The following TNNT3 variants were observed in gnomAD, a reference collection of about 807,000 sequenced individuals.
TNNT3 encodes troponin T, fast skeletal muscle.
TNNT3 carries 36 observed loss-of-function variants against 54.2 expected under a neutral mutation model. That is an observed-to-expected ratio of 0.66 (90% CI 0.51 to 0.88). The LOEUF is 0.88. Ranked by LOEUF, TNNT3 falls within the 40% of genes least tolerant of loss-of-function variation. TNNT3 has a pLI of 0.00. For missense variants in TNNT3, 291 were observed against 331.6 expected (o/e 0.88, Z 0.95); for synonymous variants, 120 against 109.7 (o/e 1.09, Z -0.59).
chr11:1,925,591 C>T (rs749301414), intron 5 of TNNT3, among the ~76,000 whole-genome samples: 7 of 152,116 alleles, frequency 4.6e-5, no homozygotes, highest in Non-Finnish European at 8.8e-5. Context: ...CACGTAGGCC[C>T]ACCCTAGTCC....
At chr11:1,937,037 G>A (rs1855313899) in intron 15 of TNNT3, 34 bp downstream of exon 15, 1 of 1,569,668 alleles carries the variant, frequency 6.4e-7, no homozygotes. Context: ...TCCGCACTGG[G>A]CACAGGGGCC....
In TNNT3 at chr11:1,931,342, G is replaced by C. The variant is rs1156754456; in HGVS notation, c.126-1127G>C. Among the ~76,000 whole-genome samples, 3 of 152,348 alleles carry C rather than the reference G, an allele frequency of 2.0e-5. No individual in the cohort carries two copies. In the East Asian group the frequency reaches 5.8e-4, roughly 29 times the overall value. On this transcript the variant is annotated intron_variant, in intron 8 of 15. Transcript: ENST00000278317. ...AGAGTATGAATGTTCTTAAGGCTTT[G>C]ACATCCACTGCCAAATTGCTTTCCA...
intron 6 of TNNT3, 30 bp from the exon 7 acceptor site, chr11:1,929,090 T>G: frequency 6.2e-7 from 1 of 1,613,172 alleles, no homozygotes; most frequent in Non-Finnish European, 8.5e-7. Flanking sequence ...TTCTCTTGCA[T>G]GTGTGCTTGT....
chr11:1,929,694 G>A (rs112606502), intron 7 of TNNT3, 116 bp from the exon 8 acceptor site: 2 of 1,131,910 alleles, frequency 1.8e-6, no homozygotes, highest in Non-Finnish European at 2.6e-6. Context: ...GAAAAGGACG[G>A]TGGCCTTCAG....
chr11:1,926,668 T>C, intron 5 of TNNT3, 27 bp from the exon 6 acceptor site: 1 of 1,613,450 alleles, frequency 6.2e-7, no homozygotes, highest in Non-Finnish European at 8.5e-7. Flanking sequence ...TCCCGCCCTT[T>C]CTGCCACCAT....
intron 14 of TNNT3, chr11:1,935,374 C>T (rs578137990): frequency 2.8e-4 from 84 of 295,692 alleles, no homozygotes; most frequent in Middle Eastern, 1.3e-3. Flanking sequence ...ACCAGGGCCC[C>T]GGACACCTGC....
rs1184779284 is a variant in TNNT3 at position 1,938,468 on chromosome 11, C to T, written c.753C>T (p.Gly251=). ...AGAAGGCTGGGACCCCAGCCAAGGG[C>T]AAAGTCGGCGGGCGCTGGAAGTAGA... ...HSKKAGTPAK[G]KVGGRWK Residue 251 remains glycine, a synonymous_variant, in exon 16 of 16, where the codon GGC becomes GGT. Transcript: ENST00000278317. 3 of 1,613,416 alleles carry T rather than the reference C, an allele frequency of 1.9e-6. No homozygotes were observed. Among genetic ancestry groups the T allele is most frequent in the Non-Finnish European group, 2.5e-6 (3 of 1,179,942 alleles).
intron 7 of TNNT3, 54 bp downstream of exon 7, chr11:1,929,197 G>T: frequency 6.3e-7 from 1 of 1,597,684 alleles, no homozygotes; most frequent in Non-Finnish European, 8.5e-7. Context: ...TAGCCGACGC[G>T]AGGGAAAGAG....
In TNNT3 at chr11:1,934,903, A is replaced by C. The variant is rs1208169735; in HGVS notation, c.665A>C (p.Lys222Thr). The change falls in exon 14 of 16, where the codon AAA (lysine) becomes ACA (threonine). Residue 222 changes from lysine to threonine, a missense_variant. Transcript: ENST00000278317. ...AAGTTCGAGTTTGGGGAGAAGCTGAAACGCCAGAAATATGACGTGAGTCCC... is the reference window on the plus strand; with the variant it reads ...AAGTTCGAGTTTGGGGAGAAGCTGACACGCCAGAAATATGACGTGAGTCCC... ...IDKFEFGEKL[K>T]RQKYDITTLR... The C allele has an allele frequency of 6.2e-7, 1 of 1,613,562 alleles. No individual in the cohort carries two copies. The highest frequency in any genetic ancestry group is 8.5e-7 in the Non-Finnish European group (1 of 1,180,018).
chr11:1,928,853 G>T (rs1852384903), intron 6 of TNNT3: 1 of 558,002 alleles, frequency 1.8e-6, no homozygotes, highest in Non-Finnish European at 3.3e-6. Flanking sequence ...TGCCCCGCGA[G>T]GTCCCCGTGT....
chr11:1,937,863 C>T (rs1855600218), intron 15 of TNNT3, among the ~76,000 whole-genome samples: 2 of 152,184 alleles, frequency 1.3e-5, no homozygotes, highest in South Asian at 2.1e-4. Flanking sequence ...GTGCATGTGC[C>T]GAGAGTGCCC....
At chr11:1,932,963 C>A (rs1156344205) in intron 9 of TNNT3, among the ~76,000 whole-genome samples, 3 of 148,056 alleles carry the variant, frequency 2.0e-5, no homozygotes, top group Non-Finnish European at 4.5e-5. Flanking sequence ...CATACACTCA[C>A]CTACCTATCC....
intron 14 of TNNT3, chr11:1,936,381 T>A: frequency 1.9e-6 from 2 of 1,055,048 alleles, no homozygotes; most frequent in Non-Finnish European, 2.8e-6. Flanking sequence ...GCCTTCCTCC[T>A]GCCCCCGCTC....
chr11:1,924,780 C>T (rs912477407), intron 4 of TNNT3: 18 of 561,600 alleles, frequency 3.2e-5, no homozygotes, highest in Admixed American at 3.1e-5. Flanking sequence ...TTAACAAGGG[C>T]CCCCGTGCAC....
chr11:1,936,352 T>C, intron 14 of TNNT3: 2 of 1,393,228 alleles, frequency 1.4e-6, no homozygotes, highest in South Asian at 1.2e-5. Flanking sequence ...CTCAGGATGC[T>C]GGCGGCAGGG....
chr11:1,923,417 AC>A, intron 3 of TNNT3, 137 bp from the exon 4 acceptor site: 1 of 942,482 alleles, frequency 1.1e-6, no homozygotes, highest in Non-Finnish European at 1.7e-6. Context: ...GGGCCCGAGG[AC>A]CCCTGATTCC....
intron 6 of TNNT3, chr11:1,927,894 C>G (rs1241622356): frequency 6.6e-6 from 1 of 152,328 alleles, no homozygotes; most frequent in Admixed American, 6.5e-5. Context: ...GGGCCCTTGG[C>G]TGGAACGCTC....
In TNNT3 at chr11:1,929,090, T is replaced by A. The variant is rs1172257364; in HGVS notation, c.83-30T>A. The A allele has an allele frequency of 2.5e-6, 4 of 1,613,054 alleles. No homozygotes were observed. The South Asian group carries it at 4.4e-5, about 18-fold the overall frequency. Reference sequence around the variant, plus strand: ...CAGCCGCACTGGCTTTTCTCTTGCATGTGTGCTTGTGCCTTTTGCCACCTG... The same window carrying A: ...CAGCCGCACTGGCTTTTCTCTTGCAAGTGTGCTTGTGCCTTTTGCCACCTG... On this transcript the variant is annotated intron_variant, in intron 6 of 15. Coordinates refer to ENST00000278317, the MANE Select transcript of TNNT3 (RefSeq NM_006757.4).
At position 1,937,576 on chromosome 11, in the gene TNNT3, G is replaced by A. The variant is rs148856661; in HGVS notation, c.722+573G>A. ...ATGGGGCTGCACCCAGGGTGCCCCCGGCGATGCCACGCTGGGGATCCTGTC... is the reference window on the plus strand; with the variant it reads ...ATGGGGCTGCACCCAGGGTGCCCCCAGCGATGCCACGCTGGGGATCCTGTC... On this transcript the variant is annotated intron_variant, in intron 15 of 15. Coordinates refer to ENST00000278317, the MANE Select transcript of TNNT3 (RefSeq NM_006757.4). 2.0e-3 allele frequency among the ~76,000 whole-genome samples: 301 copies of A among 152,298 alleles called. 1 individual carries two copies. Among genetic ancestry groups the A allele is most frequent in the African/African-American group, 6.8e-3 (281 of 41,574 alleles).
Sources: gnomAD v4.1 joint callset for allele counts (sites outside exome capture counted in the v4.1 genomes callset) on GRCh38, gnomAD v4.1.1 for gene constraint, MANE v1.5 for transcripts, NCBI Gene and HGNC (gene_info 2026-07-23, HGNC 2026-07-21) for gene names.